PAK5: variants seen among roughly 807,000 people sequenced by gnomAD.
PAK5 encodes p21 (RAC1) activated kinase 5.
Under a neutral mutation model 65.9 loss-of-function variants are expected in PAK5, and 16 were observed. The ratio of observed to expected loss-of-function variants is 0.24; its 90% CI spans 0.16 to 0.37. PAK5 has a LOEUF of 0.37. PAK5 is among the 10% of genes least tolerant of loss of function. The pLI, the probability that PAK5 is intolerant of heterozygous loss-of-function variation, is 1.00. For missense variants in PAK5, 785 were observed against 903.9 expected (o/e 0.87, Z 1.69); for synonymous variants, 371 against 354.9 (o/e 1.05, Z -0.51).
intron 3 of PAK5, among the ~76,000 whole-genome samples, chr20:9,634,860 C>T (rs1325691850): frequency 6.6e-6 from 1 of 152,076 alleles, no homozygotes; most frequent in African/African-American, 2.4e-5. Context: ...AGGAGGGATT[C>T]CAGGAAGTAA....
rs549086603 is a variant in PAK5, at chr20:9,748,913, C to T, written c.-161-37478G>A. Among the ~76,000 whole-genome samples the T allele has an allele frequency of 5.9e-5, 9 of 152,270 alleles. No homozygotes were observed. The East Asian group carries it at 1.7e-3, about 29-fold the overall frequency. ...GTGGCTGCCATGTTGAACAGCACAG[C>T]CCTAGAACATTTCCAGCACCTCAGA... On this transcript the variant is annotated intron_variant, in intron 1 of 9. Transcript: ENST00000353224.
At chr20:9,610,878 G>A (rs1377475045) in intron 3 of PAK5, among the ~76,000 whole-genome samples, 1 of 152,176 alleles carries the variant, frequency 6.6e-6, no homozygotes, top group Non-Finnish European at 1.5e-5. Flanking sequence ...GGTTAAGGGA[G>A]CTAGGTGGGC....
intron 5 of PAK5, among the ~76,000 whole-genome samples, chr20:9,564,806 C>T (rs1055313131): frequency 6.6e-6 from 1 of 151,948 alleles, no homozygotes; most frequent in African/African-American, 2.4e-5. Context: ...AAATATGATA[C>T]ATGTATACGA....
intron 1 of PAK5, among the ~76,000 whole-genome samples, chr20:9,805,860 T>G (rs1386128346): frequency 6.6e-6 from 1 of 152,188 alleles, no homozygotes. Flanking sequence ...CAAAATCAGG[T>G]GCAGTTCTCA....
At chr20:9,741,316 T>G (rs77128365) in intron 1 of PAK5, among the ~76,000 whole-genome samples, 8,327 of 152,212 alleles carry the variant, frequency 0.055, 303 homozygotes, top group South Asian at 0.1. Flanking sequence ...TAATGAATTG[T>G]GCACACTCCT....
intron 2 of PAK5, among the ~76,000 whole-genome samples, chr20:9,664,301 G>C (rs1442143898): frequency 6.6e-6 from 1 of 152,090 alleles, no homozygotes; most frequent in Non-Finnish European, 1.5e-5. Flanking sequence ...CTGTTCAGTG[G>C]GTTGACACCC....
At chr20:9,633,929 T>C (rs191840775) in intron 3 of PAK5, among the ~76,000 whole-genome samples, 61 of 152,358 alleles carry the variant, frequency 4.0e-4, no homozygotes, top group Admixed American at 8.5e-4. Context: ...AATTTGTGTT[T>C]ACCTTGGTCT....
intron 4 of PAK5, chr20:9,577,727 C>A (rs1368120257): frequency 1.3e-5 from 2 of 152,224 alleles, no homozygotes; most frequent in Non-Finnish European, 2.9e-5. Context: ...AAAACAAAAA[C>A]CTGCTCATGA....
chr20:9,643,040 A>G (rs1317889368), intron 3 of PAK5, among the ~76,000 whole-genome samples: 1 of 152,232 alleles, frequency 6.6e-6, no homozygotes, highest in African/African-American at 2.4e-5. Flanking sequence ...CCCATAATGT[A>G]TCAGCTGTTC....
At chr20:9,726,224 T>C (rs546165425) in intron 1 of PAK5, among the ~76,000 whole-genome samples, 1 of 152,310 alleles carries the variant, frequency 6.6e-6, no homozygotes, top group East Asian at 1.9e-4. Context: ...CACCTAAGTT[T>C]GAATCCACAG....
intron 7 of PAK5, among the ~76,000 whole-genome samples, chr20:9,552,012 CA>C (rs1407849263): frequency 1.3e-5 from 2 of 152,154 alleles, no homozygotes; most frequent in Non-Finnish European, 2.9e-5. Flanking sequence ...GGCAGGGCAC[CA>C]ACGGCATTTG....
At chr20:9,829,009 AG>A in intron 1 of PAK5, among the ~76,000 whole-genome samples, 1 of 152,352 alleles carries the variant, frequency 6.6e-6, no homozygotes, top group East Asian at 1.9e-4. Flanking sequence ...AGAGAAACAA[AG>A]GTACACCTTA....
rs765860910 is a variant in PAK5, at chr20:9,538,348, G to A, written c.*1114C>T. The A allele has an allele frequency of 4.3e-6, 1 of 233,622 alleles. No homozygotes were observed. The highest frequency in any genetic ancestry group is 8.5e-6 in the Non-Finnish European group (1 of 118,018). 14.5% of individuals were successfully genotyped at this position (233,622 alleles called of 1,614,324 possible). On this transcript the variant is annotated 3_prime_UTR_variant, in exon 10 of 10. Transcript: ENST00000353224. ...TCCAGCACGATACATGAACAATAGC[G>A]ATTAATACTGTGGTACAAAGGTAAA...
At chr20:9,813,530 A>C (rs1351956435) in intron 1 of PAK5, among the ~76,000 whole-genome samples, 2 of 152,212 alleles carry the variant, frequency 1.3e-5, no homozygotes, top group African/African-American at 4.8e-5. Context: ...GATGTTCACC[A>C]AAAAATGTTC....
In PAK5 at chr20:9,539,084, CTTTCTT is replaced by C; in HGVS notation, c.*372_*377del. ...AAAAAAGTGCTTTTTGTTTTCCTTT[CTTTCTT>C]TTTTTTTTTTTTTTGCCAGAAAAGT... On this transcript the variant is annotated 3_prime_UTR_variant, in exon 10 of 10. Transcript: ENST00000353224. The C allele has an allele frequency of 4.6e-6, 1 of 216,508 alleles. No individual in the cohort carries two copies. The highest frequency in any genetic ancestry group is 8.6e-6 in the Non-Finnish European group (1 of 116,120). 13.4% of individuals were successfully genotyped at this position (216,508 alleles called of 1,614,324 possible). A position where few individuals can be genotyped will look rare whatever the true frequency, so the allele number is the denominator to read the frequency against.
At chr20:9,740,736 C>A (rs2048442403) in intron 1 of PAK5, among the ~76,000 whole-genome samples, 1 of 152,162 alleles carries the variant, frequency 6.6e-6, no homozygotes, top group African/African-American at 2.4e-5. Flanking sequence ...CAGCCAAGTA[C>A]AGAAATGCAA....
At chr20:9,701,256 C>T (rs191056463) in intron 2 of PAK5, among the ~76,000 whole-genome samples, 15 of 152,226 alleles carry the variant, frequency 9.9e-5, no homozygotes, top group African/African-American at 2.9e-4. Context: ...AACTTTGAAA[C>T]GTGTGAAAAT....
chr20:9,824,697 C>T (rs1363421486), intron 1 of PAK5, among the ~76,000 whole-genome samples: 3 of 152,256 alleles, frequency 2.0e-5, no homozygotes, highest in East Asian at 1.9e-4. Flanking sequence ...TTTAAAATCA[C>T]GCCCTTCACT....
intron 1 of PAK5, among the ~76,000 whole-genome samples, chr20:9,762,552 CAAAATCACA>C (rs1203423918): frequency 6.6e-6 from 1 of 152,030 alleles, no homozygotes; most frequent in African/African-American, 2.4e-5. Flanking sequence ...AAAAGCAAAT[CAAAATCACA>C]ATGAGATATC....
Sources: allele counts gnomAD v4.1 joint callset (sites outside exome capture counted in the v4.1 genomes callset), GRCh38; gene constraint gnomAD v4.1.1; transcripts MANE v1.5; gene names NCBI Gene and HGNC (gene_info 2026-07-23, HGNC 2026-07-21).